Variants in FHIT observed in about 807,000 individuals in gnomAD.
The protein encoded by FHIT is bis(5'-adenosyl)-triphosphatase.
A neutral mutation model predicts 17.9 loss-of-function variants in FHIT; 19 were observed. The ratio of observed to expected loss-of-function variants is 1.06; its 90% confidence interval spans 0.74 to 1.56. FHIT has a LOEUF of 1.56. FHIT is among the 40% of genes most tolerant of loss of function. The pLI is 0.00. For synonymous variants in FHIT, 81 were observed against 69.7 expected (o/e 1.16, Z -0.81); for missense variants, 248 against 189.2 (o/e 1.31, Z -1.82).
intron 3 of FHIT, among the ~76,000 whole-genome samples, chr3:60,901,455 G>A (rs1180344848): frequency 6.6e-6 from 1 of 152,140 alleles, no homozygotes; most frequent in African/African-American, 2.4e-5. Context: ...AGAATAATAT[G>A]TATAGTATGG....
At chr3:61,044,527 G>A (rs62268697) in intron 2 of FHIT, among the ~76,000 whole-genome samples, 109,627 of 151,256 alleles carry the variant, frequency 0.72, 41,528 homozygotes, top group East Asian at 0.99. Flanking sequence ...TGAAAGTGAT[G>A]AGGAGAATGG....
chr3:60,409,246 C>G (rs1003054525), intron 5 of FHIT, among the ~76,000 whole-genome samples: 8 of 152,138 alleles, frequency 5.3e-5, no homozygotes, highest in African/African-American at 1.9e-4. Flanking sequence ...GGGTAAACTT[C>G]TAAGCAAAGA....
intron 5 of FHIT, among the ~76,000 whole-genome samples, chr3:60,074,893 A>T (rs911174779): frequency 3.0e-4 from 45 of 152,204 alleles, no homozygotes; most frequent in African/African-American, 1.0e-3. Context: ...TTACCAAGTG[A>T]ATCTACAGCC....
At chr3:60,127,522 C>T (rs1383197418) in intron 5 of FHIT, among the ~76,000 whole-genome samples, 6 of 152,174 alleles carry the variant, frequency 3.9e-5, no homozygotes, top group African/African-American at 7.2e-5. Flanking sequence ...TCATATTCAA[C>T]AAGTTTACAT....
intron 5 of FHIT, among the ~76,000 whole-genome samples, chr3:60,334,730 T>C (rs1174750719): frequency 6.6e-6 from 1 of 152,204 alleles, no homozygotes; most frequent in Non-Finnish European, 1.5e-5. Context: ...GAGGTTGCAG[T>C]GAGCTGAGAC....
chr3:59,949,365 G>C (rs980775809), intron 7 of FHIT, among the ~76,000 whole-genome samples: 1 of 152,070 alleles, frequency 6.6e-6, no homozygotes, highest in African/African-American at 2.4e-5. Flanking sequence ...CTCTATTTCT[G>C]ATTTGTCATC....
rs368037264 is a variant in FHIT, at chr3:60,631,645, G to A, written c.-17-94666C>T. ...GCCTTCTTTCATCTCCGGAGGCACT[G>A]TCTAATTCAGAGTCTCAAAGAAATC... On this transcript the variant is annotated intron_variant, in intron 4 of 9. Coordinates refer to ENST00000492590, the MANE Select transcript of FHIT (RefSeq NM_002012.4). Among the ~76,000 whole-genome samples the A allele has an allele frequency of 5.4e-4, 82 of 152,270 alleles. 1 individual carries two copies. The highest frequency in any genetic ancestry group is 1.9e-3 in the African/African-American group (77 of 41,560).
intron 5 of FHIT, among the ~76,000 whole-genome samples, chr3:60,352,191 G>T (rs1345473193): frequency 3.3e-5 from 5 of 152,146 alleles, no homozygotes; most frequent in Non-Finnish European, 1.5e-5. Flanking sequence ...CTGCATAAGA[G>T]CCAAGAGAAG....
intron 5 of FHIT, among the ~76,000 whole-genome samples, chr3:60,362,252 A>G (rs2107005496): frequency 6.6e-6 from 1 of 152,270 alleles, no homozygotes; most frequent in African/African-American, 2.4e-5. Flanking sequence ...CTAATACAAT[A>G]CAATTTTATT....
intron 4 of FHIT, among the ~76,000 whole-genome samples, chr3:60,670,434 T>C (rs1260820830): frequency 6.6e-6 from 1 of 152,188 alleles, no homozygotes; most frequent in Non-Finnish European, 1.5e-5. Flanking sequence ...TCCTCCTTTG[T>C]GTACAGTAGC....
intron 4 of FHIT, among the ~76,000 whole-genome samples, chr3:60,721,215 T>C (rs1159171377): frequency 1.3e-5 from 2 of 152,156 alleles, no homozygotes; most frequent in Non-Finnish European, 2.9e-5. Flanking sequence ...TCTTCTTCAC[T>C]ACTCAAGTAT....
At chr3:60,420,303 A>G (rs1702420731) in intron 5 of FHIT, among the ~76,000 whole-genome samples, 1 of 152,162 alleles carries the variant, frequency 6.6e-6, no homozygotes, top group Non-Finnish European at 1.5e-5. Flanking sequence ...ATAATCATCC[A>G]TAGCATGTAT....
At chr3:60,478,957 G>T (rs2033477378) in intron 5 of FHIT, among the ~76,000 whole-genome samples, 1 of 152,136 alleles carries the variant, frequency 6.6e-6, no homozygotes, top group Non-Finnish European at 1.5e-5. Flanking sequence ...ATGGGATCCA[G>T]TAAAAGACAC....
chr3:60,251,594 T>C (rs566700875), intron 5 of FHIT, among the ~76,000 whole-genome samples: 2 of 152,338 alleles, frequency 1.3e-5, no homozygotes, highest in East Asian at 3.9e-4. Context: ...GGAATAGTTA[T>C]GCCAGTTTCT....
chr3:60,576,879 G>C (rs1553657781), intron 4 of FHIT, among the ~76,000 whole-genome samples: 1 of 151,512 alleles, frequency 6.6e-6, no homozygotes, highest in Non-Finnish European at 1.5e-5. Context: ...ACTTTGGAAA[G>C]TTTGAAAATC....
intron 5 of FHIT, among the ~76,000 whole-genome samples, chr3:60,056,162 G>A (rs1300424799): frequency 6.6e-6 from 1 of 152,138 alleles, no homozygotes; most frequent in African/African-American, 2.4e-5. Flanking sequence ...GCAGGGCAGG[G>A]GTTCAGTGTA....
At chr3:60,884,114 G>C (rs1308211954) in intron 3 of FHIT, among the ~76,000 whole-genome samples, 2 of 152,162 alleles carry the variant, frequency 1.3e-5, no homozygotes, top group African/African-American at 4.8e-5. Context: ...ATGAAAAAAT[G>C]CTCAGCATCC....
intron 5 of FHIT, among the ~76,000 whole-genome samples, chr3:60,500,491 T>A (rs1255116083): frequency 1.3e-5 from 2 of 152,028 alleles, no homozygotes; most frequent in Non-Finnish European, 2.9e-5. Context: ...GTGCTGTGGC[T>A]GGGCACGGTG....
chr3:60,614,476 T>C (rs1415168871), intron 4 of FHIT, among the ~76,000 whole-genome samples: 2 of 152,120 alleles, frequency 1.3e-5, no homozygotes, highest in Non-Finnish European at 2.9e-5. Context: ...TGGTGGCAGA[T>C]GCCTCTAATC....
Sources: gnomAD v4.1 joint callset for allele counts (sites outside exome capture counted in the v4.1 genomes callset) on GRCh38, gnomAD v4.1.1 for gene constraint, MANE v1.5 for transcripts, NCBI Gene and HGNC (gene_info 2026-07-23, HGNC 2026-07-21) for gene names.